The following NCBP2L variants were observed in gnomAD, a reference collection of about 807,000 sequenced individuals.
NCBP2L encodes nuclear cap-binding protein subunit 2-like.
For synonymous variants in NCBP2L, 39 were observed against 19.2 expected (o/e 2.04, Z -2.70); for missense variants, 95 against 53.1 (o/e 1.79, Z -2.45).
At chrX:107,778,944 AG>A (rs2147804228) in intron 1 of NCBP2L, among the ~76,000 whole-genome samples, 1 of 111,244 alleles carries the variant, frequency 9.0e-6, no homozygotes, top group Admixed American at 9.6e-5. Flanking sequence ...TAGGGGGAAT[AG>A]GGGGTGGCAT....
At chrX:107,781,678 C>CTATCTA (rs1283631007) in intron 1 of NCBP2L, among the ~76,000 whole-genome samples, 751 of 70,961 alleles carry the variant, frequency 0.011, 11 homozygotes, top group African/African-American at 0.013. Flanking sequence ...ATCTATCTAT[C>CTATCTA]TCTCTCTCTC....
intron 1 of NCBP2L, among the ~76,000 whole-genome samples, chrX:107,787,137 G>A (rs767989514): frequency 8.9e-6 from 1 of 111,978 alleles, no homozygotes; most frequent in East Asian, 2.8e-4. Context: ...CTAGGGAGGG[G>A]CCTGAGATCC....
Position 107,794,341 on chromosome X carries a change from T to C in NCBP2L, c.121T>C (p.Leu41=), listed in dbSNP as rs751621058. Residue 41 remains leucine, a synonymous_variant, in exon 2 of 2, where the codon TTG becomes CTG. Transcript: ENST00000509000. Reference sequence around the variant, plus strand: ...AAAATTACTGAAGGAAAGCTCCACATTGAATATGGGGAATCTTTCCTTTTA... The same window carrying C: ...AAAATTACTGAAGGAAAGCTCCACACTGAATATGGGGAATCTTTCCTTTTA... ...QEKLLKESST[L]NMGNLSFYTT... 21 of 568,807 alleles carry C rather than the reference T, an allele frequency of 3.7e-5. No individual in the cohort carries two copies. In the Admixed American group the frequency reaches 4.2e-4, roughly 11 times the overall value. The allele number at this position is 568,807 out of a possible 1,213,427, so 46.9% of individuals were successfully genotyped here.
chrX:107,792,243 A>G (rs926122981), intron 1 of NCBP2L, among the ~76,000 whole-genome samples: 3 of 110,446 alleles, frequency 2.7e-5, no homozygotes, highest in African/African-American at 6.6e-5. Context: ...TTGCCATCTC[A>G]TCTACAAGGA....
intron 1 of NCBP2L, among the ~76,000 whole-genome samples, chrX:107,782,243 AT>A (rs1930314261): frequency 9.7e-5 from 2 of 20,614 alleles, no homozygotes; most frequent in Non-Finnish European, 1.3e-4. Flanking sequence ...ATAAATATAT[AT>A]ATATAAATAT....
intron 1 of NCBP2L, among the ~76,000 whole-genome samples, chrX:107,787,768 C>A (rs1471776738): frequency 2.7e-5 from 3 of 111,781 alleles, no homozygotes; most frequent in Non-Finnish European, 5.6e-5. Flanking sequence ...ACTGTCCCAG[C>A]GCTTTCTAAT....
chrX:107,781,692 C>CTCTCTCTATATATATATA (rs1395038482), intron 1 of NCBP2L, among the ~76,000 whole-genome samples: 26 of 66,907 alleles, frequency 3.9e-4, no homozygotes, highest in Non-Finnish European at 5.3e-4. Context: ...CTCTCTCTCT[C>CTCTCTCTATATATATATA]TATATATATA....
intron 1 of NCBP2L, among the ~76,000 whole-genome samples, chrX:107,785,596 C>T (rs1337435244): frequency 9.0e-6 from 1 of 111,560 alleles, no homozygotes; most frequent in African/African-American, 3.3e-5. Flanking sequence ...TTTTCATGGT[C>T]CTTTCTTACT....
At chrX:107,781,692 C>CTCTCTCTCTCTCTCTCTATATATATATA (rs1395038482) in intron 1 of NCBP2L, among the ~76,000 whole-genome samples, 3 of 66,917 alleles carry the variant, frequency 4.5e-5, no homozygotes, top group African/African-American at 1.7e-4. Context: ...CTCTCTCTCT[C>CTCTCTCTCTCTCTCTCTATATATATATA]TATATATATA....
chrX:107,792,284 T>A (rs775733539), intron 1 of NCBP2L, among the ~76,000 whole-genome samples: 1 of 107,217 alleles, frequency 9.3e-6, no homozygotes, highest in South Asian at 4.1e-4. Context: ...AATGCCTGGA[T>A]GAAATGAAAT....
At chrX:107,792,462 G>C (rs894473128) in intron 1 of NCBP2L, among the ~76,000 whole-genome samples, 1 of 111,758 alleles carries the variant, frequency 8.9e-6, no homozygotes, top group Admixed American at 9.5e-5. Flanking sequence ...TTGACAGGCT[G>C]TCAGGAAGAT....
At chrX:107,782,590 T>G (rs1930339173) in intron 1 of NCBP2L, among the ~76,000 whole-genome samples, 1 of 103,221 alleles carries the variant, frequency 9.7e-6, no homozygotes, top group Non-Finnish European at 1.9e-5. Context: ...ACTGAAGCTT[T>G]GAACCCTTTG....
At chrX:107,782,399 A>G (rs1352176961) in intron 1 of NCBP2L, among the ~76,000 whole-genome samples, 1 of 75,312 alleles carries the variant, frequency 1.3e-5, no homozygotes, top group Admixed American at 2.0e-4. Flanking sequence ...ACACATATAT[A>G]CACACATAGA....
Position 107,781,651 on chromosome X carries a change from C to CTATCTATCTATCT in NCBP2L, c.-73+3793_-73+3794insTATCTATCTATCT, listed in dbSNP as rs1405952181. On this transcript the variant is annotated intron_variant, in intron 1 of 1. Coordinates refer to ENST00000509000, the MANE Select transcript of NCBP2L (RefSeq NM_001348372.2). ...TCATTCTATCTATCTATCTATCTAT[C>CTATCTATCTATCT]ATCTATCTATCTATCTATCTATCTA... Among the ~76,000 whole-genome samples the CTATCTATCTATCT allele has an allele frequency of 2.3e-4, 15 of 65,210 alleles. 2 individuals carry two copies. The highest frequency in any genetic ancestry group is 1.2e-3 in the African/African-American group (14 of 11,957). The allele number at this position is 65,210 out of a possible 115,157, so 56.6% of individuals were successfully genotyped here.
At chrX:107,789,276 C>A (rs748961458) in intron 1 of NCBP2L, among the ~76,000 whole-genome samples, 2 of 106,116 alleles carry the variant, frequency 1.9e-5, no homozygotes, top group East Asian at 6.0e-4. Context: ...TTCTTTCTCA[C>A]CTCCATGAGG....
intron 1 of NCBP2L, among the ~76,000 whole-genome samples, chrX:107,783,855 C>CGTGTGTGTGTGTGT (rs1331533982): frequency 1.3e-5 from 1 of 79,857 alleles, no homozygotes; most frequent in Non-Finnish European, 2.3e-5. Flanking sequence ...GTCTGGTGTG[C>CGTGTGTGTGTGTGT]GTATGTGTGT....
At position 107,789,927 on chromosome X, in the gene NCBP2L, C is replaced by T. The variant is rs371345348; in HGVS notation, c.-72-4222C>T. Among the ~76,000 whole-genome samples the T allele has an allele frequency of 4.1e-3, 453 of 110,884 alleles. 3 individuals carry two copies. Among genetic ancestry groups the T allele is most frequent in the African/African-American group, 0.014 (417 of 30,470 alleles). On this transcript the variant is annotated intron_variant, in intron 1 of 1. Coordinates refer to ENST00000509000, the MANE Select transcript of NCBP2L (RefSeq NM_001348372.2). ...TGAGCCCCAAATCTGTGTCTGTGGT[C>T]CCAGACACAGACCTCTCTTGAGAGC...
chrX:107,779,594 A>C (rs1930238513), intron 1 of NCBP2L, among the ~76,000 whole-genome samples: 1 of 110,674 alleles, frequency 9.0e-6, no homozygotes, highest in Non-Finnish European at 1.9e-5. Flanking sequence ...ACACAGGGCT[A>C]ATTTTGTATT....
At chrX:107,784,699 G>A in intron 1 of NCBP2L, among the ~76,000 whole-genome samples, 1 of 107,418 alleles carries the variant, frequency 9.3e-6, no homozygotes, top group Non-Finnish European at 1.9e-5. Context: ...GGGCAGATGC[G>A]GTGGCTCACG....
Sources: allele counts gnomAD v4.1 joint callset (sites outside exome capture counted in the v4.1 genomes callset), GRCh38; gene constraint gnomAD v4.1.1; transcripts MANE v1.5; gene names NCBI Gene and HGNC (gene_info 2026-07-23, HGNC 2026-07-21).